Variants in APPL2 observed in about 807,000 individuals in gnomAD.
APPL2 encodes the protein adaptor protein, phosphotyrosine interacting with PH domain and leucine zipper 2, also known as DCC-interacting protein 13-beta.
In APPL2, 84 loss-of-function variants were observed where a neutral mutation model predicts 92.7. The observed-to-expected ratio is 0.91, with a 90% confidence interval of 0.76 to 1.09. The LOEUF is 1.09. APPL2 is among the 50% of genes least tolerant of loss of function. The pLI, the probability that APPL2 is intolerant of heterozygous loss-of-function variation, is 0.00. For missense variants in APPL2, 736 were observed against 824.5 expected (o/e 0.89, Z 1.31); for synonymous variants, 291 against 291.0 (o/e 1.00, Z 0.00).
At chr12:105,233,443 T>C (rs2136104671) in intron 1 of APPL2, 1 of 975,036 alleles carries the variant, frequency 1.0e-6, no homozygotes, top group Non-Finnish European at 1.2e-6. Context: ...AAGGAGTCCA[T>C]GAATAGATGT....
chr12:105,221,725 G>A (rs1297211948), intron 2 of APPL2, among the ~76,000 whole-genome samples: 1 of 152,206 alleles, frequency 6.6e-6, no homozygotes, highest in Admixed American at 6.5e-5. Context: ...CGCTTTGTGA[G>A]AAGCCCTGAA....
At chr12:105,199,301 G>A (rs975305618) in intron 10 of APPL2, 72 bp downstream of exon 10, 9 of 1,541,614 alleles carry the variant, frequency 5.8e-6, no homozygotes, top group South Asian at 3.7e-5. Flanking sequence ...AATGAGGCAC[G>A]TAAGATTGCT....
intron 14 of APPL2, among the ~76,000 whole-genome samples, chr12:105,193,931 C>G (rs1476363317): frequency 6.6e-6 from 1 of 152,168 alleles, no homozygotes; most frequent in East Asian, 1.9e-4. Flanking sequence ...CCTGTAACTC[C>G]TAAGCAGGGC....
intron 5 of APPL2, among the ~76,000 whole-genome samples, chr12:105,209,712 T>A (rs1307026097): frequency 1.3e-5 from 2 of 152,250 alleles, no homozygotes; most frequent in African/African-American, 4.8e-5. Context: ...AGCAGATGAC[T>A]GAGGCAAGCA....
chr12:105,218,121 T>C (rs1486791189), intron 2 of APPL2, among the ~76,000 whole-genome samples: 2 of 111,794 alleles, frequency 1.8e-5, no homozygotes, highest in East Asian at 3.6e-4. Context: ...AAAAAAATTA[T>C]AAAAGAAAAA....
intron 13 of APPL2, 22 bp downstream of exon 13, chr12:105,195,423 G>C (rs775424321): frequency 1.2e-6 from 2 of 1,614,198 alleles, no homozygotes; most frequent in Admixed American, 1.7e-5. Flanking sequence ...AAAGGGCTGA[G>C]ATGCCGGTGG....
At chr12:105,206,784 T>G in intron 8 of APPL2, 1 of 296,302 alleles carries the variant, frequency 3.4e-6, no homozygotes. Flanking sequence ...TTCATTCGGA[T>G]TAGAAAAAAA....
chr12:105,221,019 A>G (rs912624136), intron 2 of APPL2, among the ~76,000 whole-genome samples: 4 of 152,228 alleles, frequency 2.6e-5, no homozygotes, highest in Non-Finnish European at 4.4e-5. Context: ...TGCTTACAAC[A>G]CAGCCTGTCA....
intron 4 of APPL2, among the ~76,000 whole-genome samples, chr12:105,216,441 A>C (rs1889699858): frequency 6.6e-6 from 1 of 152,204 alleles, no homozygotes. Flanking sequence ...CACCCAGAAC[A>C]TGTGAATATT....
In APPL2 at chr12:105,217,740, G is replaced by T. The variant is rs374694086; in HGVS notation, c.154-15C>A. The stretch of plus-strand genomic sequence containing the variant: ...CACATCTCATTCTGTGGAGAGAAGA[G>T]AAAAAGCAAGTAAGATTAGTCCAAT... On this transcript the variant is annotated splice_polypyrimidine_tract_variant and intron_variant, in intron 2 of 20. Coordinates refer to ENST00000258530, the MANE Select transcript of APPL2 (RefSeq NM_018171.5). 9.3e-6 allele frequency: 15 copies of T among 1,612,056 alleles called. No individual in the cohort carries two copies. The African/African-American group carries it at 1.9e-4, about 20-fold the overall frequency.
intron 2 of APPL2, among the ~76,000 whole-genome samples, chr12:105,224,509 A>G (rs935245): frequency 0.88 from 133,739 of 152,274 alleles, 59,124 homozygotes; most frequent in East Asian, 1. Flanking sequence ...TTAAGAGCGA[A>G]CGCAGGCTTT....
intron 15 of APPL2, 61 bp downstream of exon 15, chr12:105,189,930 G>T (rs1348230851): frequency 6.2e-7 from 1 of 1,610,580 alleles, no homozygotes; most frequent in Non-Finnish European, 8.5e-7. Flanking sequence ...GGTGGAGGGG[G>T]ACACAAGATA....
At chr12:105,223,514 G>C (rs890776601) in intron 2 of APPL2, among the ~76,000 whole-genome samples, 2 of 148,480 alleles carry the variant, frequency 1.3e-5, no homozygotes, top group African/African-American at 5.1e-5. Context: ...AGACAGTTTC[G>C]AGGGGGGTGT....
rs918335066 is a variant in APPL2, at chr12:105,203,571, C to A, written c.704+132G>T. On this transcript the variant is annotated intron_variant, in intron 9 of 20. Transcript: ENST00000258530. ...GCAGCTAAGGCAAGGGCACTGTTAGCGAGCATTTCTGGGGTGGACAGAGGC... is the reference window on the plus strand; with the variant it reads ...GCAGCTAAGGCAAGGGCACTGTTAGAGAGCATTTCTGGGGTGGACAGAGGC... The A allele has an allele frequency of 8.0e-6, 6 of 752,016 alleles. No homozygotes were observed. In the African/African-American group the frequency reaches 1.1e-4, roughly 13 times the overall value. The allele number at this position is 752,016 out of a possible 1,614,324, so 46.6% of individuals were successfully genotyped here.
chr12:105,189,870 A>C lies in APPL2; in HGVS notation c.1407-46T>G, dbSNP rs1197997204. 3.1e-6 allele frequency: 5 copies of C among 1,612,584 alleles called. No homozygotes were observed. The East Asian group carries it at 1.1e-4, about 36-fold the overall frequency. ...GAACAAACACGACAGCTGCAGCTAGAAGGGCACTTAACACTTGAACTGGAA... is the reference window on the plus strand; with the variant it reads ...GAACAAACACGACAGCTGCAGCTAGCAGGGCACTTAACACTTGAACTGGAA... On this transcript the variant is annotated intron_variant, in intron 15 of 20. Transcript: ENST00000258530.
In APPL2 at chr12:105,197,869, G is replaced by A. The variant is rs144427039; in HGVS notation, c.948C>T (p.Ala316=). ...GGNLMCQPRG[A]VAGGLIQDLD... ...GGTCCTGGATCAAACCTCCAGCCAC[G>A]GCTCCCCTGGGCTGACACATGAGAT... The change falls in exon 11 of 21, where the codon GCC becomes GCT. Residue 316 remains alanine, a synonymous_variant. Transcript: ENST00000258530. 30 of 1,614,006 alleles carry A rather than the reference G, an allele frequency of 1.9e-5. No homozygotes were observed. The highest frequency in any genetic ancestry group is 1.5e-4 in the Admixed American group (9 of 60,006).
intron 9 of APPL2, among the ~76,000 whole-genome samples, chr12:105,201,895 C>G (rs1888242116): frequency 6.6e-6 from 1 of 152,160 alleles, no homozygotes; most frequent in East Asian, 1.9e-4. Flanking sequence ...CCACCCCCAC[C>G]TGGAAAGCAC....
chr12:105,221,950 G>A (rs570531059), intron 2 of APPL2, among the ~76,000 whole-genome samples: 10 of 152,332 alleles, frequency 6.6e-5, no homozygotes, highest in African/African-American at 1.9e-4. Flanking sequence ...CAGCATCCAC[G>A]GTGAATATGA....
In APPL2 at chr12:105,219,070, T is replaced by A. The variant is rs551316153; in HGVS notation, c.154-1345A>T. ...ATTCCTAAGGAGCAGAGCCACTGGG[T>A]CTGACATGGCACAGATGATGGGAGG... On this transcript the variant is annotated intron_variant, in intron 2 of 20. Coordinates refer to ENST00000258530, the MANE Select transcript of APPL2 (RefSeq NM_018171.5). Among the ~76,000 whole-genome samples, 4 of 152,342 alleles carry A rather than the reference T, an allele frequency of 2.6e-5. No individual in the cohort carries two copies. In the East Asian group the frequency reaches 5.8e-4, roughly 22 times the overall value.
Sources: gnomAD v4.1 joint callset for allele counts (sites outside exome capture counted in the v4.1 genomes callset) on GRCh38, gnomAD v4.1.1 for gene constraint, MANE v1.5 for transcripts, NCBI Gene and HGNC (gene_info 2026-07-23, HGNC 2026-07-21) for gene names.